Variants in KIF16B observed in about 807,000 individuals in gnomAD.
KIF16B encodes kinesin family member 16B.
In KIF16B, 98 loss-of-function variants were observed where a neutral mutation model predicts 156.3. That is an observed-to-expected ratio of 0.63 (90% CI 0.53 to 0.74). The LOEUF is 0.74. Ranked by LOEUF, KIF16B falls within the 30% of genes least tolerant of loss-of-function variation. The pLI, the probability that KIF16B is intolerant of heterozygous loss-of-function variation, is 0.00. For missense variants in KIF16B, 1,421 were observed against 1,606.5 expected, an observed-to-expected ratio of 0.88 and a Z score of 1.97; for synonymous variants, 564 against 583.7, an observed-to-expected ratio of 0.97 and a Z score of 0.49.
intron 12 of KIF16B, among the ~76,000 whole-genome samples, chr20:16,459,898 A>G (rs1432850961): frequency 6.6e-6 from 1 of 152,204 alleles, no homozygotes; most frequent in African/African-American, 2.4e-5. Flanking sequence ...TTTAGTACTC[A>G]TCTAGTTTCT....
At chr20:16,309,148 T>G (rs2063582986) in intron 25 of KIF16B, among the ~76,000 whole-genome samples, 1 of 152,334 alleles carries the variant, frequency 6.6e-6, no homozygotes, top group South Asian at 2.1e-4. Flanking sequence ...TGAACAAAAA[T>G]GCTGGGAGCA....
At chr20:16,411,730 G>A (rs573959870) in intron 15 of KIF16B, among the ~76,000 whole-genome samples, 21 of 151,998 alleles carry the variant, frequency 1.4e-4, no homozygotes, top group South Asian at 4.2e-4. Flanking sequence ...GACATGTGCC[G>A]AAAAGATACA....
intron 10 of KIF16B, among the ~76,000 whole-genome samples, chr20:16,500,469 A>G (rs1600554765): frequency 6.6e-6 from 1 of 152,134 alleles, no homozygotes; most frequent in Non-Finnish European, 1.5e-5. Flanking sequence ...TAAATATGCT[A>G]TGTTCTTACT....
Position 16,571,050 on chromosome 20 carries a change from G to A in KIF16B, c.47+2179C>T, listed in dbSNP as rs182569809. Among the ~76,000 whole-genome samples, 337 of 152,214 alleles carry A rather than the reference G, an allele frequency of 2.2e-3. 2 individuals are homozygous for A. Among genetic ancestry groups the A allele is most frequent in the African/African-American group, 7.3e-3 (304 of 41,540 alleles). ...CAGATAATGAACAAGGTCAACATGC[G>A]TGAAACACTTGCTCTGTGCTTGTAC... is the stretch of plus-strand genomic sequence containing the variant. On this transcript the variant is annotated intron_variant, in intron 1 of 25. Coordinates refer to ENST00000354981, the MANE Select transcript of KIF16B (RefSeq NM_024704.5).
intron 12 of KIF16B, among the ~76,000 whole-genome samples, chr20:16,450,594 C>T (rs990079769): frequency 6.6e-6 from 1 of 152,186 alleles, no homozygotes; most frequent in Non-Finnish European, 1.5e-5. Flanking sequence ...TGCCTTGTTA[C>T]TATTCTCCCT....
At chr20:16,538,228 A>G (rs2070054846) in intron 1 of KIF16B, among the ~76,000 whole-genome samples, 1 of 152,176 alleles carries the variant, frequency 6.6e-6, no homozygotes. Context: ...ACCACCCACA[A>G]TCAGCACTGA....
intron 1 of KIF16B, among the ~76,000 whole-genome samples, chr20:16,551,620 G>T (rs2147293985): frequency 6.6e-6 from 1 of 152,356 alleles, no homozygotes; most frequent in Middle Eastern, 3.4e-3. Context: ...TATCATTGAA[G>T]AATTCATCCC....
intron 3 of KIF16B, 135 bp downstream of exon 3, chr20:16,525,957 G>A (rs1379821516): frequency 1.9e-6 from 1 of 515,852 alleles, no homozygotes; most frequent in Non-Finnish European, 3.4e-6. Flanking sequence ...AGAAAGGTAA[G>A]TTAGCAAAGG....
intron 12 of KIF16B, among the ~76,000 whole-genome samples, chr20:16,435,909 T>C (rs1211277382): frequency 6.6e-6 from 1 of 152,224 alleles, no homozygotes; most frequent in Non-Finnish European, 1.5e-5. Context: ...CTTTGCTTTT[T>C]ATTACCATCT....
chr20:16,317,064 TATTTG>T (rs2063709162), intron 24 of KIF16B, among the ~76,000 whole-genome samples: 2 of 152,350 alleles, frequency 1.3e-5, no homozygotes, highest in South Asian at 4.2e-4. Flanking sequence ...CAACATCTTT[TATTTG>T]ATTTCTCACG....
intron 22 of KIF16B, among the ~76,000 whole-genome samples, chr20:16,361,954 T>C (rs570428484): frequency 6.6e-6 from 1 of 152,344 alleles, no homozygotes; most frequent in South Asian, 2.1e-4. Context: ...GATCATTGTA[T>C]TAAGTGGTCA....
intron 23 of KIF16B, among the ~76,000 whole-genome samples, chr20:16,354,909 GCACTCCAGCCTGGGCAA>G (rs1364319652): frequency 2.0e-5 from 3 of 151,932 alleles, no homozygotes; most frequent in Admixed American, 1.3e-4. Context: ...TCGCGCCACT[GCACTCCAGCCTGGGCAA>G]CAGAGTGAGA....
intron 25 of KIF16B, among the ~76,000 whole-genome samples, chr20:16,289,788 C>A (rs6043864): frequency 0.036 from 5,490 of 152,282 alleles, 114 homozygotes; most frequent in African/African-American, 0.044. Flanking sequence ...CTGCAGTGAG[C>A]CGAGATTGAG....
chr20:16,468,575 CAAAAAA>C (rs550510241), intron 12 of KIF16B, among the ~76,000 whole-genome samples: 42 of 35,848 alleles, frequency 1.2e-3, no homozygotes, highest in African/African-American at 4.1e-3. Context: ...GACTCCGTCT[CAAAAAA>C]AAAAAAAAAA....
At chr20:16,298,524 T>G (rs1489603751) in intron 25 of KIF16B, among the ~76,000 whole-genome samples, 1 of 152,234 alleles carries the variant, frequency 6.6e-6, no homozygotes, top group Non-Finnish European at 1.5e-5. Context: ...TAGTATTCTC[T>G]GATGGTAGTT....
At chr20:16,409,970 C>CATAT (rs138849281) in intron 15 of KIF16B, among the ~76,000 whole-genome samples, 3 of 42,698 alleles carry the variant, frequency 7.0e-5, no homozygotes, top group Non-Finnish European at 1.1e-4. Context: ...TATATATATA[C>CATAT]ATATATATAT....
At chr20:16,362,039 T>C (rs892193826) in intron 22 of KIF16B, among the ~76,000 whole-genome samples, 8 of 152,334 alleles carry the variant, frequency 5.3e-5, no homozygotes, top group African/African-American at 1.7e-4. Flanking sequence ...ACCTGACTGA[T>C]AATGTCGCAA....
At chr20:16,355,469 A>G (rs562063766) in intron 23 of KIF16B, among the ~76,000 whole-genome samples, 1 of 152,326 alleles carries the variant, frequency 6.6e-6, no homozygotes, top group East Asian at 1.9e-4. Flanking sequence ...CTCAGTGTCC[A>G]GATTCATGGT....
chr20:16,340,493 T>G (rs997377015), intron 23 of KIF16B, among the ~76,000 whole-genome samples: 1 of 152,210 alleles, frequency 6.6e-6, no homozygotes, highest in Non-Finnish European at 1.5e-5. Flanking sequence ...GAACAGAACT[T>G]GACACATCAC....
Sources: gnomAD v4.1 joint callset for allele counts (sites outside exome capture counted in the v4.1 genomes callset) on GRCh38, gnomAD v4.1.1 for gene constraint, MANE v1.5 for transcripts, NCBI Gene and HGNC (gene_info 2026-07-23, HGNC 2026-07-21) for gene names.